Variants in ADARB2 observed in about 807,000 individuals in gnomAD.
The protein encoded by ADARB2 is adenosine deaminase RNA specific B2 (inactive), also known as inactive double-stranded RNA-specific editase B2.
ADARB2 carries 25 observed loss-of-function variants against 62.2 expected under a neutral mutation model. That is an observed-to-expected ratio of 0.40 (90% CI 0.29 to 0.56). The LOEUF (loss-of-function observed/expected upper bound fraction) is 0.56. Ranked by LOEUF, ADARB2 falls within the 20% of genes least tolerant of loss-of-function variation. The pLI is 0.43. For missense variants in ADARB2, 1,071 were observed against 1,077.4 expected (o/e 0.99, Z 0.08); for synonymous variants, 572 against 500.8 (o/e 1.14, Z -1.90).
At chr10:1,476,985 C>T (rs966859141) in intron 1 of ADARB2, among the ~76,000 whole-genome samples, 3 of 152,058 alleles carry the variant, frequency 2.0e-5, no homozygotes, top group African/African-American at 4.8e-5. Flanking sequence ...GGGCTGCCCA[C>T]GGGTTCCGGA....
At chr10:1,634,890 A>G (rs1217922265) in intron 1 of ADARB2, among the ~76,000 whole-genome samples, 1 of 152,138 alleles carries the variant, frequency 6.6e-6, no homozygotes, top group Non-Finnish European at 1.5e-5. Context: ...CAGAACAAAC[A>G]TTTTTTAATT....
chr10:1,348,647 CTGAGTTGACA>C (rs1832104820), intron 3 of ADARB2, among the ~76,000 whole-genome samples: 1 of 152,190 alleles, frequency 6.6e-6, no homozygotes, highest in South Asian at 2.1e-4. Context: ...CCAAGGGAAC[CTGAGTTGACA>C]TGGGGAGAAG....
intron 1 of ADARB2, among the ~76,000 whole-genome samples, chr10:1,677,023 A>G (rs1253726769): frequency 6.6e-6 from 1 of 152,212 alleles, no homozygotes; most frequent in East Asian, 1.9e-4. Flanking sequence ...AGGACCCTTC[A>G]CACTTATCAG....
At chr10:1,642,971 T>C (rs938345909) in intron 1 of ADARB2, among the ~76,000 whole-genome samples, 3 of 152,230 alleles carry the variant, frequency 2.0e-5, no homozygotes, top group Non-Finnish European at 4.4e-5. Flanking sequence ...GACATCAGCA[T>C]GAACGGATTC....
intron 1 of ADARB2, among the ~76,000 whole-genome samples, chr10:1,420,958 C>T (rs1347686560): frequency 6.6e-6 from 1 of 152,048 alleles, no homozygotes; most frequent in Non-Finnish European, 1.5e-5. Context: ...TGCCCTGCGC[C>T]GCTCGGTTCT....
At chr10:1,327,260 C>T (rs1248976423) in intron 3 of ADARB2, among the ~76,000 whole-genome samples, 1 of 99,616 alleles carries the variant, frequency 1.0e-5, no homozygotes, top group Admixed American at 9.0e-5. Flanking sequence ...CTGCCCAGCG[C>T]CTCCTCACTG....
intron 1 of ADARB2, among the ~76,000 whole-genome samples, chr10:1,517,377 T>A (rs1403060999): frequency 1.3e-5 from 2 of 152,144 alleles, no homozygotes; most frequent in Admixed American, 6.5e-5. Flanking sequence ...AATGCTGTAA[T>A]CTTCTCTGGG....
At chr10:1,348,318 T>G (rs1431487697) in intron 3 of ADARB2, among the ~76,000 whole-genome samples, 2 of 151,760 alleles carry the variant, frequency 1.3e-5, no homozygotes, top group Non-Finnish European at 1.5e-5. Context: ...GTCTGGGGAG[T>G]CTGGGATGTG....
chr10:1,392,176 A>G (rs547039382), intron 1 of ADARB2, among the ~76,000 whole-genome samples: 2 of 152,306 alleles, frequency 1.3e-5, no homozygotes, highest in Admixed American at 6.5e-5. Flanking sequence ...TCAAAAATTG[A>G]AAGTGAGGTT....
At chr10:1,298,720 ATT>A (rs75978268) in intron 3 of ADARB2, among the ~76,000 whole-genome samples, 2 of 110,768 alleles carry the variant, frequency 1.8e-5, no homozygotes, top group Admixed American at 9.0e-5. Flanking sequence ...TGCGACGGGA[ATT>A]TTTTTTTTTT....
Position 1,737,248 on chromosome 10 carries a change from G to T in ADARB2, c.-98C>A. 1 of 1,309,350 alleles carries T rather than the reference G, an allele frequency of 7.6e-7. No individual in the cohort carries two copies. Among genetic ancestry groups the T allele is most frequent in the Non-Finnish European group, 1.1e-6 (1 of 924,372 alleles). The allele number at this position is 1,309,350 out of a possible 1,614,324, so 81.1% of individuals were successfully genotyped here. On this transcript the variant is annotated 5_prime_UTR_variant, in exon 1 of 10. Coordinates refer to ENST00000381312, the MANE Select transcript of ADARB2 (RefSeq NM_018702.4). ...CCGCCGCCGCTGCTGCGAAGCTTGA[G>T]GTTGCAAACCCGGGAGCGGCTCACT...
intron 1 of ADARB2, among the ~76,000 whole-genome samples, chr10:1,429,270 C>G (rs540649050): frequency 1.3e-5 from 2 of 152,326 alleles, no homozygotes; most frequent in Non-Finnish European, 2.9e-5. Flanking sequence ...GCACAAATCT[C>G]ATAATCAAAA....
intron 1 of ADARB2, among the ~76,000 whole-genome samples, chr10:1,490,137 C>T (rs750029630): frequency 3.9e-5 from 6 of 152,278 alleles, no homozygotes; most frequent in South Asian, 2.1e-4. Flanking sequence ...ACACTAACAA[C>T]GGCCTAGGAG....
intron 1 of ADARB2, among the ~76,000 whole-genome samples, chr10:1,692,317 C>G (rs11596188): frequency 0.025 from 3,854 of 152,146 alleles, 81 homozygotes; most frequent in Admixed American, 0.055. Context: ...GTTTAAATGC[C>G]CCCAGAAGCT....
chr10:1,583,831 G>A (rs1021600866), intron 1 of ADARB2, among the ~76,000 whole-genome samples: 2 of 152,164 alleles, frequency 1.3e-5, no homozygotes, highest in African/African-American at 4.8e-5. Flanking sequence ...TAGATCAGTG[G>A]AACAGAATAG....
intron 1 of ADARB2, among the ~76,000 whole-genome samples, chr10:1,520,908 T>G (rs1234834035): frequency 6.6e-6 from 1 of 152,232 alleles, no homozygotes; most frequent in Non-Finnish European, 1.5e-5. Flanking sequence ...TCCTGGACCT[T>G]TTTCATTTCT....
intron 1 of ADARB2, among the ~76,000 whole-genome samples, chr10:1,591,077 G>A (rs1300960253): frequency 1.3e-5 from 2 of 152,256 alleles, no homozygotes; most frequent in African/African-American, 4.8e-5. Context: ...AAGAATCTGT[G>A]TCCGAAGCCT....
intron 1 of ADARB2, among the ~76,000 whole-genome samples, chr10:1,647,367 G>A (rs190051161): frequency 5.9e-5 from 9 of 152,248 alleles, no homozygotes; most frequent in South Asian, 4.1e-4. Context: ...GTGTGCACAC[G>A]TGTGTCTATA....
At chr10:1,250,423 C>G (rs1010145045) in intron 4 of ADARB2, among the ~76,000 whole-genome samples, 7 of 152,058 alleles carry the variant, frequency 4.6e-5, no homozygotes, top group Non-Finnish European at 8.8e-5. Context: ...GATTAGTCTT[C>G]AAGGAAATGG....
Sources: allele counts gnomAD v4.1 joint callset (sites outside exome capture counted in the v4.1 genomes callset), GRCh38; gene constraint gnomAD v4.1.1; transcripts MANE v1.5; gene names NCBI Gene and HGNC (gene_info 2026-07-23, HGNC 2026-07-21).